Variants in MTF1 observed in about 807,000 individuals in gnomAD.
The protein encoded by MTF1 is metal regulatory transcription factor 1.
MTF1 carries 22 observed loss-of-function variants against 70.4 expected under a neutral mutation model. The ratio of observed to expected loss-of-function variants is 0.31; its 90% CI spans 0.22 to 0.45. MTF1 has a LOEUF of 0.45. Among genes scored for constraint, MTF1 ranks in the 20% least tolerant of loss-of-function variants. MTF1 has a pLI of 1.00. For synonymous variants in MTF1, 333 were observed against 352.8 expected, an observed-to-expected ratio of 0.94 and a Z score of 0.63; for missense variants, 649 against 922.0, an observed-to-expected ratio of 0.70 and a Z score of 3.83.
intron 7 of MTF1, among the ~76,000 whole-genome samples, chr1:37,824,165 G>A (rs1449606605): frequency 6.6e-6 from 1 of 152,092 alleles, no homozygotes. Context: ...ACTTAAAACA[G>A]GAATTGGCAC....
At chr1:37,830,052 CAT>C (rs1300894755) in intron 7 of MTF1, among the ~76,000 whole-genome samples, 4 of 152,112 alleles carry the variant, frequency 2.6e-5, no homozygotes, top group African/African-American at 7.2e-5. Context: ...GCTCGTTAGT[CAT>C]ATGTCATAGT....
intron 6 of MTF1, 116 bp from the exon 7 acceptor site, chr1:37,832,438 A>G: frequency 1.5e-6 from 1 of 671,840 alleles, no homozygotes; most frequent in Non-Finnish European, 2.6e-6. Context: ...TACATGTATT[A>G]TCTGAAGAAG....
In MTF1 at chr1:37,846,943, T is replaced by C. The variant is rs372754421; in HGVS notation, c.409-6785A>G. ...AAATAAATGACTGGCCTGGCTGTTA[T>C]GGCTATAGAAACTGCCTTTTCCTCC... is the stretch of plus-strand genomic sequence containing the variant. On this transcript the variant is annotated intron_variant, in intron 2 of 10. Coordinates refer to ENST00000373036, the MANE Select transcript of MTF1 (RefSeq NM_005955.3). Among the ~76,000 whole-genome samples the C allele has an allele frequency of 6.4e-3, 982 of 152,302 alleles. 5 individuals carry two copies. The highest frequency in any genetic ancestry group is 0.018 in the South Asian group (85 of 4,830).
intron 2 of MTF1, among the ~76,000 whole-genome samples, chr1:37,855,685 G>A (rs904997118): frequency 1.3e-5 from 2 of 152,106 alleles, no homozygotes; most frequent in African/African-American, 2.4e-5. Context: ...GGCCGGGCAT[G>A]GTGGTTCATG....
chr1:37,831,184 T>C (rs1186742358), intron 7 of MTF1, among the ~76,000 whole-genome samples: 2 of 152,154 alleles, frequency 1.3e-5, no homozygotes, highest in Non-Finnish European at 2.9e-5. Context: ...TTGTCTAGAA[T>C]TTTTAGCTGT....
At chr1:37,824,410 AT>A (rs1640969866) in intron 7 of MTF1, among the ~76,000 whole-genome samples, 1 of 152,180 alleles carries the variant, frequency 6.6e-6, no homozygotes. Context: ...AAAAAATGAG[AT>A]TACAGGCCAG....
intron 4 of MTF1, 59 bp downstream of exon 4, chr1:37,838,566 T>C: frequency 6.7e-7 from 1 of 1,490,446 alleles, no homozygotes; most frequent in Non-Finnish European, 9.2e-7. Context: ...AATTCCAGAG[T>C]ATATCAAGAC....
At chr1:37,850,064 C>T (rs930785498) in intron 2 of MTF1, among the ~76,000 whole-genome samples, 2 of 151,644 alleles carry the variant, frequency 1.3e-5, no homozygotes, top group Admixed American at 1.3e-4. Flanking sequence ...AGTGAGACCC[C>T]TCTCTACCAA....
Position 37,835,299 on chromosome 1 carries a change from G to A in MTF1, c.854-84C>T. On this transcript the variant is annotated intron_variant, in intron 5 of 10. Coordinates refer to ENST00000373036, the MANE Select transcript of MTF1 (RefSeq NM_005955.3). ...ATCTACCTTTCCCTAATAGAGGTAA[G>A]TAAGTATTTTTAAGAGAGTTTGGGT... The A allele has an allele frequency of 2.5e-6, 3 of 1,203,986 alleles. No homozygotes were observed. In the South Asian group the frequency reaches 4.0e-5, roughly 16 times the overall value. The allele number at this position is 1,203,986 out of a possible 1,614,324, so 74.6% of individuals were successfully genotyped here. A position where few individuals can be genotyped will look rare whatever the true frequency, so the allele number is the denominator to read the frequency against.
intron 7 of MTF1, among the ~76,000 whole-genome samples, chr1:37,825,488 C>G (rs532638060): frequency 7.9e-5 from 12 of 152,256 alleles, no homozygotes; most frequent in African/African-American, 2.6e-4. Context: ...CCTCCCACCC[C>G]AGCCTCCCAA....
Position 37,813,748 on chromosome 1 carries a change from A to G in MTF1, c.*1388T>C, listed in dbSNP as rs1640772580. The stretch of plus-strand genomic sequence containing the variant: ...TCAGCACTCATGACTATGTTAATAT[A>G]GCCTGTTGAGGGAAACTTTTCATGC... On this transcript the variant is annotated 3_prime_UTR_variant, in exon 11 of 11. Coordinates refer to ENST00000373036, the MANE Select transcript of MTF1 (RefSeq NM_005955.3). The G allele has an allele frequency of 6.6e-6, 1 of 152,378 alleles. No individual in the cohort carries two copies. The highest frequency in any genetic ancestry group is 1.5e-5 in the Non-Finnish European group (1 of 68,050). The allele number at this position is 152,378 out of a possible 1,614,324, so 9.4% of individuals were successfully genotyped here.
chr1:37,822,050 A>G, intron 9 of MTF1, 71 bp downstream of exon 9: 2 of 1,275,646 alleles, frequency 1.6e-6, no homozygotes, highest in Non-Finnish European at 2.2e-6. Context: ...TTTTTGAAGT[A>G]AAAGCTTCTG....
chr1:37,829,557 C>T (rs751843778), intron 7 of MTF1, among the ~76,000 whole-genome samples: 13 of 151,804 alleles, frequency 8.6e-5, no homozygotes, highest in Non-Finnish European at 1.5e-4. Context: ...CCGAGACGGG[C>T]GGATCACGAG....
intron 9 of MTF1, among the ~76,000 whole-genome samples, chr1:37,817,725 A>C (rs960398769): frequency 6.6e-6 from 1 of 152,198 alleles, no homozygotes; most frequent in African/African-American, 2.4e-5. Context: ...CAGCTGCCTA[A>C]TCCAGTAGGT....
At chr1:37,856,169 CCTT>C (rs1641490010) in intron 2 of MTF1, among the ~76,000 whole-genome samples, 4 of 121,670 alleles carry the variant, frequency 3.3e-5, no homozygotes, top group Admixed American at 2.9e-4. Flanking sequence ...GCCTGAATTT[CCTT>C]TTTTTTTTTT....
chr1:37,827,458 C>T (rs1047748102), intron 7 of MTF1, among the ~76,000 whole-genome samples: 6 of 151,942 alleles, frequency 3.9e-5, no homozygotes, highest in East Asian at 1.9e-4. Context: ...CCCAGGTTCA[C>T]GCCATTCTCC....
Position 37,814,964 on chromosome 1 carries a change from G to A in MTF1, c.*172C>T. 1.6e-6 allele frequency: 1 copy of A among 608,086 alleles called. No homozygotes were observed. Among genetic ancestry groups the A allele is most frequent in the South Asian group, 2.4e-5 (1 of 41,116 alleles). The allele number at this position is 608,086 out of a possible 1,614,324, so 37.7% of individuals were successfully genotyped here. On this transcript the variant is annotated 3_prime_UTR_variant, in exon 11 of 11. Coordinates refer to ENST00000373036, the MANE Select transcript of MTF1 (RefSeq NM_005955.3). Reference sequence around the variant, plus strand: ...GTTTTTTGTTTTTTTCCAAAGAATAGTTCCTTAAAATGGATGCTCCTGGGA... The same window carrying A: ...GTTTTTTGTTTTTTTCCAAAGAATAATTCCTTAAAATGGATGCTCCTGGGA...
At position 37,810,740 on chromosome 1, in the gene MTF1, T is replaced by C. The variant is rs2148394730; in HGVS notation, c.*4396A>G. The C allele has an allele frequency of 6.6e-6, 1 of 152,348 alleles. No homozygotes were observed. The highest frequency in any genetic ancestry group is 1.5e-5 in the Non-Finnish European group (1 of 68,032). 9.4% of individuals were successfully genotyped at this position (152,348 alleles called of 1,614,324 possible). A position where few individuals can be genotyped will look rare whatever the true frequency, so the allele number is the denominator to read the frequency against. On this transcript the variant is annotated 3_prime_UTR_variant, in exon 11 of 11. Coordinates refer to ENST00000373036, the MANE Select transcript of MTF1 (RefSeq NM_005955.3). ...CTTTGGCTGAAGTATATTCTAAAAC[T>C]TGTCTATTCTATAGCCTGAGAATTG...
chr1:37,840,591 A>G lies in MTF1; in HGVS notation c.409-433T>C. 1 of 437,100 alleles carries G rather than the reference A, an allele frequency of 2.3e-6. No individual in the cohort carries two copies. Among genetic ancestry groups the G allele is most frequent in the Non-Finnish European group, 4.5e-6 (1 of 219,882 alleles). The allele number at this position is 437,100 out of a possible 1,614,324, so 27.1% of individuals were successfully genotyped here. On this transcript the variant is annotated intron_variant, in intron 2 of 10. Transcript: ENST00000373036. This position sits in a 1 kb window ranked among gnomAD's most constrained non-coding sequence, Gnocchi z 4.5. ...GTTTAAAACATCTGGAAATTTACATACTTAATCATCAAACATATTTCCCTA... is the reference window on the plus strand; with the variant it reads ...GTTTAAAACATCTGGAAATTTACATGCTTAATCATCAAACATATTTCCCTA...
Sources: allele counts gnomAD v4.1 joint callset (sites outside exome capture counted in the v4.1 genomes callset), GRCh38; gene constraint gnomAD v4.1.1; non-coding constraint Gnocchi (gnomAD v3.1); transcripts MANE v1.5; gene names NCBI Gene and HGNC (gene_info 2026-07-23, HGNC 2026-07-21).